CADPS: variants seen among roughly 807,000 people sequenced by gnomAD.
CADPS encodes the protein calcium dependent secretion activator.
A neutral mutation model predicts 167.3 loss-of-function variants in CADPS; 57 were observed. The observed-to-expected ratio is 0.34, with a 90% CI of 0.28 to 0.42. The LOEUF (loss-of-function observed/expected upper bound fraction) is 0.42. Ranked by LOEUF, CADPS falls within the 20% of genes least tolerant of loss-of-function variation. The pLI is 1.00. For missense variants in CADPS, 1,414 were observed against 1,738.1 expected (o/e 0.81, Z 3.32); for synonymous variants, 676 against 635.3 (o/e 1.06, Z -0.96).
intron 3 of CADPS, among the ~76,000 whole-genome samples, chr3:62,721,976 C>T (rs987502963): frequency 1.3e-5 from 2 of 152,150 alleles, no homozygotes; most frequent in African/African-American, 4.8e-5. Flanking sequence ...ATAGAAAGCA[C>T]GCAACAAATA....
At chr3:62,747,344 C>T (rs2081680902) in intron 3 of CADPS, among the ~76,000 whole-genome samples, 1 of 152,152 alleles carries the variant, frequency 6.6e-6, no homozygotes, top group Non-Finnish European at 1.5e-5. Context: ...AATGTTCAGT[C>T]AACAGACCTA....
chr3:62,753,687 G>C lies in CADPS; in HGVS notation c.642C>G (p.His214Gln). The C allele has an allele frequency of 4.3e-6, 7 of 1,614,162 alleles. No homozygotes were observed. The highest frequency in any genetic ancestry group is 1.6e-4 in the Middle Eastern group (1 of 6,062). The stretch of plus-strand genomic sequence containing the variant: ...GCAGGCTGCGCACTCTCTTCTCAAT[G>C]TGCTTCTTGAAGACCTCCCGGGAGT... ...ANDSREVFKK[H>Q]IEKRVRSLPE... Residue 214 changes from histidine (H) to glutamine (Q), a missense_variant, in exon 3 of 30, where the codon CAC becomes CAG. By Grantham distance (24) the His-to-Gln change is conservative. This residue lies in a region of CADPS where 522 missense variants were observed against 559.5 expected (regional missense o/e 0.93). Coordinates refer to ENST00000383710, the MANE Select transcript of CADPS (RefSeq NM_003716.4). The surrounding 1 kb of genome is among the most constrained non-coding windows in gnomAD (Gnocchi z 4.6).
At chr3:62,633,153 C>T (rs1192783113) in intron 6 of CADPS, among the ~76,000 whole-genome samples, 1 of 152,172 alleles carries the variant, frequency 6.6e-6, no homozygotes, top group African/African-American at 2.4e-5. Flanking sequence ...TAGTACCACC[C>T]TTGGAAAAAG....
At chr3:62,637,553 G>T (rs1272118883) in intron 6 of CADPS, among the ~76,000 whole-genome samples, 1 of 152,196 alleles carries the variant, frequency 6.6e-6, no homozygotes, top group Non-Finnish European at 1.5e-5. Context: ...ACCTGTGCTG[G>T]TGTGTGCGCC....
chr3:62,747,056 G>A (rs890321503), intron 3 of CADPS, among the ~76,000 whole-genome samples: 1 of 152,186 alleles, frequency 6.6e-6, no homozygotes, highest in African/African-American at 2.4e-5. Flanking sequence ...CACATCATGG[G>A]CCATTGTATG....
At chr3:62,723,649 C>T (rs2076211212) in intron 3 of CADPS, among the ~76,000 whole-genome samples, 1 of 152,160 alleles carries the variant, frequency 6.6e-6, no homozygotes, top group Admixed American at 6.5e-5. Flanking sequence ...ATTTTAATTT[C>T]AAACTGGGTC....
intron 11 of CADPS, among the ~76,000 whole-genome samples, chr3:62,542,620 T>A (rs967329114): frequency 6.6e-6 from 1 of 152,096 alleles, no homozygotes; most frequent in Non-Finnish European, 1.5e-5. Flanking sequence ...AACAACTTAA[T>A]TGCTTCGTGG....
chr3:62,851,525 C>T (rs2078586912), intron 1 of CADPS, among the ~76,000 whole-genome samples: 1 of 147,962 alleles, frequency 6.8e-6, no homozygotes, highest in Admixed American at 6.7e-5. Context: ...ATTTCTCCTT[C>T]ACTTATGAAG....
At chr3:62,428,779 T>G (rs1271867828) in intron 28 of CADPS, among the ~76,000 whole-genome samples, 4 of 152,184 alleles carry the variant, frequency 2.6e-5, no homozygotes, top group Non-Finnish European at 5.9e-5. Context: ...GGTTCTCAAA[T>G]GGGGATGATT....
intron 27 of CADPS, among the ~76,000 whole-genome samples, chr3:62,444,783 G>A (rs1442956185): frequency 1.4e-5 from 2 of 137,950 alleles, no homozygotes. Context: ...TTAGCTTCCT[G>A]GGGAAATGAA....
chr3:62,766,488 A>G (rs2086900508), intron 1 of CADPS, among the ~76,000 whole-genome samples: 1 of 152,174 alleles, frequency 6.6e-6, no homozygotes, highest in Admixed American at 6.6e-5. Context: ...GTAACAGCAA[A>G]CACAGCACTG....
intron 7 of CADPS, among the ~76,000 whole-genome samples, chr3:62,590,027 A>G (rs1186272589): frequency 6.6e-6 from 1 of 152,004 alleles, no homozygotes; most frequent in Non-Finnish European, 1.5e-5. Flanking sequence ...TGTCTCTACT[A>G]AAAATACAAA....
At chr3:62,787,853 A>C (rs550963787) in intron 1 of CADPS, among the ~76,000 whole-genome samples, 24 of 152,352 alleles carry the variant, frequency 1.6e-4, no homozygotes, top group African/African-American at 5.8e-4. Flanking sequence ...TGTCTTTGGC[A>C]CATGGTAAGT....
chr3:62,498,647 AC>A (rs1459918098), intron 18 of CADPS, among the ~76,000 whole-genome samples: 1 of 152,124 alleles, frequency 6.6e-6, no homozygotes, highest in Admixed American at 6.5e-5. Context: ...TGGAGAATCG[AC>A]AAGTTGAACG....
intron 17 of CADPS, among the ~76,000 whole-genome samples, chr3:62,503,257 G>A (rs1454721810): frequency 6.6e-6 from 1 of 152,236 alleles, no homozygotes; most frequent in Non-Finnish European, 1.5e-5. Context: ...ATAGTTGGAA[G>A]ATCTGGCTTG....
At chr3:62,571,793 A>G (rs908170612) in intron 8 of CADPS, among the ~76,000 whole-genome samples, 5 of 152,084 alleles carry the variant, frequency 3.3e-5, no homozygotes, top group African/African-American at 4.8e-5. Context: ...CGAACTCCCA[A>G]CCTCAGTTGA....
At position 62,601,916 on chromosome 3, in the gene CADPS, A is replaced by G. The variant is rs976133782; in HGVS notation, c.1326-9168T>C. Among the ~76,000 whole-genome samples, 1 of 152,148 alleles carries G rather than the reference A, an allele frequency of 6.6e-6. No homozygotes were observed. The highest frequency in any genetic ancestry group is 1.5e-5 in the Non-Finnish European group (1 of 68,030). ...GTGGAGCTCAGAAAAATCTATGGGT[A>G]AAACAACCTTGTTCTCTGTGTTTGG... On this transcript the variant is annotated intron_variant, in intron 6 of 29. Coordinates refer to ENST00000383710, the MANE Select transcript of CADPS (RefSeq NM_003716.4). The surrounding 1 kb of genome is among the most constrained non-coding windows in gnomAD (Gnocchi z 4.3).
chr3:62,777,396 G>A (rs1394640569), intron 1 of CADPS, among the ~76,000 whole-genome samples: 1 of 152,174 alleles, frequency 6.6e-6, no homozygotes, highest in Non-Finnish European at 1.5e-5. Context: ...GGGATGTGGA[G>A]GAATGTGGAG....
chr3:62,768,286 A>G (rs1360317367), intron 1 of CADPS, among the ~76,000 whole-genome samples: 1 of 152,176 alleles, frequency 6.6e-6, no homozygotes, highest in African/African-American at 2.4e-5. Flanking sequence ...TATAGGACCA[A>G]CCAAGGCATC....
Sources: allele counts gnomAD v4.1 joint callset (sites outside exome capture counted in the v4.1 genomes callset), GRCh38; gene constraint gnomAD v4.1.1; regional missense constraint gnomAD v4.1.1; non-coding constraint Gnocchi (gnomAD v3.1); transcripts MANE v1.5; gene names NCBI Gene and HGNC (gene_info 2026-07-23, HGNC 2026-07-21).